TOLLIP: variants seen among roughly 807,000 people sequenced by gnomAD.
TOLLIP encodes toll-interacting protein.
Under a neutral mutation model 33.5 loss-of-function variants are expected in TOLLIP, and 16 were observed. The observed-to-expected ratio is 0.48, with a 90% CI of 0.32 to 0.72. The LOEUF is 0.72. TOLLIP is among the 30% of genes least tolerant of loss of function. The pLI, the probability that TOLLIP is intolerant of heterozygous loss-of-function variation, is 0.03. For synonymous variants in TOLLIP, 176 were observed against 163.7 expected (o/e 1.07, Z -0.57); for missense variants, 325 against 396.6 (o/e 0.82, Z 1.53).
At chr11:1,298,089 G>T (rs1864163742) in intron 1 of TOLLIP, 1 of 152,310 alleles carries the variant, frequency 6.6e-6, no homozygotes, top group East Asian at 1.9e-4. Flanking sequence ...TGCTCACCAG[G>T]AACGGGTTAT....
rs548307538 is a variant in TOLLIP at position 1,280,859 on chromosome 11, G to A, written c.611-3606C>T. ...ACCCCTGGCAGTGGCTGCAGCCCGAGTGCCCCTCTGTGCCAGGGACAGCTG... is the reference window on the plus strand; with the variant it reads ...ACCCCTGGCAGTGGCTGCAGCCCGAATGCCCCTCTGTGCCAGGGACAGCTG... On this transcript the variant is annotated intron_variant, in intron 5 of 5. Coordinates refer to ENST00000317204, the MANE Select transcript of TOLLIP (RefSeq NM_019009.4). Among the ~76,000 whole-genome samples the A allele has an allele frequency of 2.2e-3, 332 of 152,316 alleles. 5 individuals are homozygous for A. The highest frequency in any genetic ancestry group is 7.6e-3 in the African/African-American group (315 of 41,578).
intron 4 of TOLLIP, among the ~76,000 whole-genome samples, chr11:1,287,833 C>CTCTGCTGCAGCCT (rs1863790337): frequency 7.6e-6 from 1 of 131,992 alleles, no homozygotes; most frequent in African/African-American, 2.8e-5. Flanking sequence ...GCCGCACCCT[C>CTCTGCTGCAGCCT]CCCGCCGCAG....
intron 2 of TOLLIP, among the ~76,000 whole-genome samples, chr11:1,293,407 G>T (rs954180719): frequency 6.6e-6 from 1 of 152,214 alleles, no homozygotes; most frequent in Non-Finnish European, 1.5e-5. Context: ...GGATGTGTGG[G>T]CAGAGAGGGG....
chr11:1,307,136 T>C (rs1331858812), intron 1 of TOLLIP, among the ~76,000 whole-genome samples: 1 of 152,176 alleles, frequency 6.6e-6, no homozygotes, highest in Admixed American at 6.5e-5. Context: ...CCACAGTTGG[T>C]AGCGCTGGTT....
chr11:1,295,359 G>T, intron 2 of TOLLIP: 1 of 307,518 alleles, frequency 3.3e-6, no homozygotes, highest in Non-Finnish European at 5.9e-6. Context: ...GGTCCGGGAG[G>T]TGTCCTTGGG....
intron 1 of TOLLIP, 110 bp downstream of exon 1, chr11:1,309,356 A>G: frequency 1.7e-6 from 1 of 578,254 alleles, no homozygotes; most frequent in Non-Finnish European, 2.5e-6. Flanking sequence ...GTGCCCCGGG[A>G]GAGCCGCGGA....
At position 1,289,603 on chromosome 11, in the gene TOLLIP, G is replaced by A. The variant is rs5743959; in HGVS notation, c.366+624C>T. ...GCTGGTGAGCGGCCGGACCCTGTGC[G>A]CCCAGCGGGGCGGACACATGCACGC... is the stretch of plus-strand genomic sequence containing the variant. On this transcript the variant is annotated intron_variant, in intron 3 of 5. Coordinates refer to ENST00000317204, the MANE Select transcript of TOLLIP (RefSeq NM_019009.4). 0.023 allele frequency among the ~76,000 whole-genome samples: 3,520 copies of A among 150,502 alleles called. 318 individuals are homozygous for A. The East Asian group carries it at 0.29, about 12-fold the overall frequency.
At chr11:1,295,914 G>C in intron 1 of TOLLIP, 120 bp from the exon 2 acceptor site, 1 of 1,288,292 alleles carries the variant, frequency 7.8e-7, no homozygotes, top group Non-Finnish European at 1.0e-6. Context: ...TCAAGTCCTG[G>C]ACTGTGCTCA....
At chr11:1,288,556 G>T (rs1863823254) in intron 4 of TOLLIP, 68 bp downstream of exon 4, 2 of 1,514,698 alleles carry the variant, frequency 1.3e-6, no homozygotes, top group Non-Finnish European at 1.8e-6. Context: ...GTGTCTGTGG[G>T]GCGGCATAGC....
intron 1 of TOLLIP, chr11:1,302,839 G>T (rs5743897): frequency 0.071 from 69,588 of 974,784 alleles, 2,618 homozygotes; most frequent in Middle Eastern, 0.099. Flanking sequence ...CTCCTCCCAC[G>T]GCCGCTCAGC....
At chr11:1,293,937 G>A (rs545300596) in intron 2 of TOLLIP, among the ~76,000 whole-genome samples, 2 of 152,368 alleles carry the variant, frequency 1.3e-5, no homozygotes, top group Admixed American at 6.5e-5. Flanking sequence ...TCTGAGACAC[G>A]CCGCGAGGAA....
intron 1 of TOLLIP, among the ~76,000 whole-genome samples, chr11:1,309,198 G>A (rs1864516684): frequency 6.6e-6 from 1 of 152,180 alleles, no homozygotes; most frequent in Non-Finnish European, 1.5e-5. Flanking sequence ...AACGGGCGCA[G>A]GCCCCCTCCC....
chr11:1,308,121 C>T (rs972202895), intron 1 of TOLLIP, among the ~76,000 whole-genome samples: 3 of 152,230 alleles, frequency 2.0e-5, no homozygotes, highest in Non-Finnish European at 2.9e-5. Flanking sequence ...TGCCCCAGCC[C>T]AGCCTCAGTG....
At position 1,288,721 on chromosome 11, in the gene TOLLIP, G is replaced by C; in HGVS notation, c.422C>G (p.Ser141Cys). 1.9e-6 allele frequency: 3 copies of C among 1,612,986 alleles called. No individual in the cohort carries two copies. Among genetic ancestry groups the C allele is most frequent in the Non-Finnish European group, 2.5e-6 (3 of 1,179,880 alleles). ...IAWTHITIPE[S>C]LRQGKVEDKW... ...GTCCTCCACCTTGCCCTGCCTCAGG[G>C]ACTCCGGGATGGTGATGTGGGTCCA... The change falls in exon 4 of 6, where the codon TCC becomes TGC. Residue 141 changes from serine (S) to cysteine (C), a missense_variant. Ser to Cys is a moderately radical substitution (Grantham distance 112). Transcript: ENST00000317204.
chr11:1,296,266 C>T (rs1298479754), intron 1 of TOLLIP, among the ~76,000 whole-genome samples: 1 of 152,256 alleles, frequency 6.6e-6, no homozygotes, highest in African/African-American at 2.4e-5. Flanking sequence ...AATGTTTCCA[C>T]ATGAAACAGC....
At position 1,276,735 on chromosome 11, in the gene TOLLIP, T is replaced by C; in HGVS notation, c.*304A>G. On this transcript the variant is annotated 3_prime_UTR_variant, in exon 6 of 6. Coordinates refer to ENST00000317204, the MANE Select transcript of TOLLIP (RefSeq NM_019009.4). ...CCAACACCCTGGCAGAAGCAGCTGC[T>C]CTCTACAGCAAGAGCATTTTCCAGA... 6.8e-7 allele frequency: 1 copy of C among 1,459,992 alleles called. No homozygotes were observed. The highest frequency in any genetic ancestry group is 1.2e-5 in the South Asian group (1 of 82,536). The allele number at this position is 1,459,992 out of a possible 1,614,324, so 90.4% of individuals were successfully genotyped here.
chr11:1,293,058 CG>C (rs1437703936), intron 2 of TOLLIP, among the ~76,000 whole-genome samples: 1 of 152,174 alleles, frequency 6.6e-6, no homozygotes, highest in East Asian at 1.9e-4. Flanking sequence ...TGGGTGGGTG[CG>C]GGGGGCTCCA....
intron 2 of TOLLIP, among the ~76,000 whole-genome samples, chr11:1,293,366 G>GT: frequency 6.6e-6 from 1 of 152,348 alleles, no homozygotes; most frequent in East Asian, 1.9e-4. Flanking sequence ...GCACATGGGT[G>GT]TTTAGACCCA....
chr11:1,284,155 C>G (rs939404777), intron 5 of TOLLIP, among the ~76,000 whole-genome samples: 16 of 152,204 alleles, frequency 1.1e-4, no homozygotes, highest in Admixed American at 3.3e-4. Context: ...GGCTCAGGAA[C>G]AGCTGTGGGG....
Sources: gnomAD v4.1 joint callset for allele counts (sites outside exome capture counted in the v4.1 genomes callset) on GRCh38, gnomAD v4.1.1 for gene constraint, MANE v1.5 for transcripts, NCBI Gene and HGNC (gene_info 2026-07-23, HGNC 2026-07-21) for gene names.